ZNF148: variants seen among roughly 807,000 people sequenced by gnomAD.
ZNF148 encodes the protein Beta-Enolase Repressor Factor-1.
ZNF148 carries 7 observed loss-of-function variants against 67.7 expected under a neutral mutation model. The ratio of observed to expected loss-of-function variants is 0.10; its 90% CI spans 0.06 to 0.19. The LOEUF is 0.19. ZNF148 is among the 10% of genes least tolerant of loss of function. The pLI, the probability that ZNF148 is intolerant of heterozygous loss-of-function variation, is 1.00. For synonymous variants in ZNF148, 333 were observed against 330.7 expected (o/e 1.01, Z -0.08); for missense variants, 583 against 947.1 (o/e 0.62, Z 5.05).
intron 4 of ZNF148, among the ~76,000 whole-genome samples, chr3:125,297,229 GA>G (rs1939333779): frequency 6.6e-6 from 1 of 152,046 alleles, no homozygotes; most frequent in Non-Finnish European, 1.5e-5. Context: ...GTAAGTTTGA[GA>G]AAGAAACCAG....
At chr3:125,308,616 A>G (rs1223613462) in intron 4 of ZNF148, among the ~76,000 whole-genome samples, 2 of 152,158 alleles carry the variant, frequency 1.3e-5, no homozygotes, top group African/African-American at 4.8e-5. Context: ...AGTATTACAA[A>G]AGAACAACAA....
intron 1 of ZNF148, among the ~76,000 whole-genome samples, chr3:125,338,625 A>T: frequency 7.9e-6 from 1 of 126,484 alleles, no homozygotes; most frequent in South Asian, 2.6e-4. Flanking sequence ...GTGCCACTGC[A>T]CTCCAGACTG....
At chr3:125,264,004 A>G (rs1233207713) in intron 7 of ZNF148, among the ~76,000 whole-genome samples, 1 of 152,226 alleles carries the variant, frequency 6.6e-6, no homozygotes, top group African/African-American at 2.4e-5. Flanking sequence ...CTAAGTAATG[A>G]GGTTCTGAGA....
chr3:125,373,396 T>C (rs969979422), intron 1 of ZNF148, among the ~76,000 whole-genome samples: 4 of 151,838 alleles, frequency 2.6e-5, no homozygotes, highest in Non-Finnish European at 4.4e-5. Flanking sequence ...CAGCTGTATA[T>C]AGTTTTTTCT....
intron 7 of ZNF148, among the ~76,000 whole-genome samples, chr3:125,269,603 C>G (rs1371306616): frequency 6.6e-6 from 1 of 152,140 alleles, no homozygotes; most frequent in Admixed American, 6.5e-5. Flanking sequence ...AATCCCATTA[C>G]TGGGTACATA....
At position 125,349,634 on chromosome 3, in the gene ZNF148, T is replaced by C. The variant is rs182456111; in HGVS notation, c.-233-18396A>G. Among the ~76,000 whole-genome samples, 134 of 152,266 alleles carry C rather than the reference T, an allele frequency of 8.8e-4. 1 individual carries two copies. Among genetic ancestry groups the C allele is most frequent in the African/African-American group, 3.2e-3 (131 of 41,552 alleles). ...AACACTTAAATATTGCTGGTGGAAA[T>C]GTAAATTAGTTCAGCCACTGTGGAA... On this transcript the variant is annotated intron_variant, in intron 1 of 8. Transcript: ENST00000360647.
chr3:125,335,943 A>G (rs949711476), intron 1 of ZNF148, among the ~76,000 whole-genome samples: 2 of 152,222 alleles, frequency 1.3e-5, no homozygotes, highest in Non-Finnish European at 2.9e-5. Flanking sequence ...CAGATAAGAG[A>G]TGTGTTAGAA....
chr3:125,318,384 A>G (rs1940618888), intron 3 of ZNF148, among the ~76,000 whole-genome samples: 2 of 152,218 alleles, frequency 1.3e-5, no homozygotes, highest in South Asian at 4.1e-4. Flanking sequence ...CTGCTTTCTA[A>G]TCCAAATGTG....
intron 7 of ZNF148, among the ~76,000 whole-genome samples, chr3:125,276,455 C>T (rs886577936): frequency 6.6e-6 from 1 of 151,772 alleles, no homozygotes; most frequent in Admixed American, 6.6e-5. Context: ...ATTTTTGAGA[C>T]GGAGTTTCAC....
At chr3:125,267,930 G>A (rs1459453459) in intron 7 of ZNF148, among the ~76,000 whole-genome samples, 1 of 151,882 alleles carries the variant, frequency 6.6e-6, no homozygotes, top group African/African-American at 2.4e-5. Context: ...ACATTCAACT[G>A]AGAGGCAAAT....
chr3:125,302,999 T>C (rs924126126), intron 4 of ZNF148, among the ~76,000 whole-genome samples: 2 of 152,222 alleles, frequency 1.3e-5, no homozygotes, highest in Non-Finnish European at 2.9e-5. Context: ...CTGCGGTACA[T>C]TGGTGCTATG....
intron 7 of ZNF148, among the ~76,000 whole-genome samples, chr3:125,250,867 TGC>T (rs1238684336): frequency 0.043 from 11 of 258 alleles, no homozygotes; most frequent in African/African-American, 0.14. Flanking sequence ...ACAAATTGTC[TGC>T]GTCTGCTTTC....
intron 3 of ZNF148, among the ~76,000 whole-genome samples, chr3:125,317,008 C>T (rs1940529189): frequency 6.6e-6 from 1 of 152,100 alleles, no homozygotes; most frequent in Admixed American, 6.5e-5. Flanking sequence ...CACCTTGATA[C>T]AGAAGTAGTA....
In ZNF148 at chr3:125,233,893, T is replaced by C. The variant is rs973659276; in HGVS notation, c.833A>G (p.His278Arg). The C allele has an allele frequency of 6.2e-7, 1 of 1,612,222 alleles. No homozygotes were observed. Among genetic ancestry groups the C allele is most frequent in the African/African-American group, 1.3e-5 (1 of 74,948 alleles). Residue 278 changes from histidine to arginine, a missense_variant, in exon 9 of 9, where the codon CAT (histidine) becomes CGT (arginine). Around this residue, in one of 5 missense-constraint regions of ZNF148, gnomAD observed 78 missense variants for 86.5 expected, o/e 0.90. Coordinates refer to ENST00000360647, the MANE Select transcript of ZNF148 (RefSeq NM_021964.3). This position sits in a 1 kb window ranked among gnomAD's most constrained non-coding sequence, Gnocchi z 5.1. The part of the protein sequence containing the change: ...DRVLKHKRMC[H>R]ENHDKKLNRC... ...ATTTAGTTTTTTGTCATGATTTTCA[T>C]GGCACATACGTTTATGTTTCAATAC... is the stretch of plus-strand genomic sequence containing the variant.
At chr3:125,349,297 G>A (rs1942055814) in intron 1 of ZNF148, among the ~76,000 whole-genome samples, 1 of 152,144 alleles carries the variant, frequency 6.6e-6, no homozygotes, top group Non-Finnish European at 1.5e-5. Context: ...GGCAACTTAT[G>A]AAATGGGAAA....
At chr3:125,365,721 G>A (rs1942681460) in intron 1 of ZNF148, among the ~76,000 whole-genome samples, 1 of 152,188 alleles carries the variant, frequency 6.6e-6, no homozygotes. Flanking sequence ...GGAAGGCTGA[G>A]GCAAGAGGAT....
intron 7 of ZNF148, 32 bp downstream of exon 7, chr3:125,277,694 T>C (rs1421316760): frequency 1.9e-6 from 3 of 1,565,694 alleles, no homozygotes; most frequent in African/African-American, 2.7e-5. Flanking sequence ...ATAATCATTT[T>C]AATGAACCTA....
At chr3:125,289,175 G>A (rs960414083) in intron 4 of ZNF148, among the ~76,000 whole-genome samples, 1 of 152,142 alleles carries the variant, frequency 6.6e-6, no homozygotes, top group Non-Finnish European at 1.5e-5. Context: ...GAATAATTCA[G>A]TAAGTACAAT....
intron 5 of ZNF148, among the ~76,000 whole-genome samples, chr3:125,286,196 C>A (rs1386560425): frequency 3.9e-5 from 6 of 151,900 alleles, no homozygotes; most frequent in African/African-American, 1.2e-4. Flanking sequence ...ATGTAAAGAA[C>A]CCCCAAAAAT....
Sources: gnomAD v4.1 joint callset for allele counts (sites outside exome capture counted in the v4.1 genomes callset) on GRCh38, gnomAD v4.1.1 for gene constraint, gnomAD v4.1.1 regional missense constraint, Gnocchi (gnomAD v3.1) non-coding constraint, MANE v1.5 for transcripts, NCBI Gene and HGNC (gene_info 2026-07-23, HGNC 2026-07-21) for gene names.